SH3RF3: variants seen among roughly 807,000 people sequenced by gnomAD.
The protein encoded by SH3RF3 is SH3 domain containing ring finger 3, also known as E3 ubiquitin-protein ligase SH3RF3.
In SH3RF3, 29 loss-of-function variants were observed where a neutral mutation model predicts 66.3. The observed-to-expected ratio is 0.44, with a 90% confidence interval of 0.33 to 0.60. The LOEUF (loss-of-function observed/expected upper bound fraction) is 0.60, where lower values mean the gene tolerates loss of function less well. Ranked by LOEUF, SH3RF3 falls within the 20% of genes least tolerant of loss-of-function variation. SH3RF3 has a pLI of 0.04. For synonymous variants in SH3RF3, 583 were observed against 532.0 expected (o/e 1.10, Z -1.32); for missense variants, 1,194 against 1,190.9 (o/e 1.00, Z -0.04).
intron 3 of SH3RF3, among the ~76,000 whole-genome samples, chr2:109,397,701 C>T (rs1469758302): frequency 6.6e-6 from 1 of 152,204 alleles, no homozygotes; most frequent in Non-Finnish European, 1.5e-5. Context: ...AATTCACGGA[C>T]CTTCCCCCAG....
intron 8 of SH3RF3, among the ~76,000 whole-genome samples, chr2:109,476,192 T>C (rs1214905307): frequency 6.6e-6 from 1 of 152,240 alleles, no homozygotes; most frequent in Non-Finnish European, 1.5e-5. Context: ...GATAAGCTGT[T>C]ACCTGAGTCC....
intron 1 of SH3RF3, among the ~76,000 whole-genome samples, chr2:109,331,561 T>G (rs1682286893): frequency 6.6e-6 from 1 of 152,206 alleles, no homozygotes; most frequent in African/African-American, 2.4e-5. Flanking sequence ...AATCCCCTTC[T>G]GGATATATTT....
intron 1 of SH3RF3, among the ~76,000 whole-genome samples, chr2:109,237,608 A>AT (rs1024768004): frequency 6.6e-5 from 10 of 152,014 alleles, no homozygotes; most frequent in African/African-American, 9.7e-5. Context: ...GTGTGTGTGA[A>AT]TTTTTTTTAA....
chr2:109,383,843 A>G (rs1047019642), intron 3 of SH3RF3, among the ~76,000 whole-genome samples: 5 of 152,190 alleles, frequency 3.3e-5, no homozygotes, highest in Non-Finnish European at 1.5e-5. Context: ...TTCAGTGATC[A>G]GTCCGTCCTT....
intron 1 of SH3RF3, among the ~76,000 whole-genome samples, chr2:109,235,976 T>C (rs9973356): frequency 0.67 from 35,390 of 52,980 alleles, 14,945 homozygotes; most frequent in East Asian, 0.92. Flanking sequence ...GCTCACTGCC[T>C]TTACTTTAAG....
intron 1 of SH3RF3, among the ~76,000 whole-genome samples, chr2:109,174,998 A>G (rs1677883742): frequency 6.6e-6 from 1 of 152,204 alleles, no homozygotes; most frequent in Non-Finnish European, 1.5e-5. Flanking sequence ...CCAAAACAAT[A>G]TATTGCCCAA....
chr2:109,158,008 G>A (rs1677391307), intron 1 of SH3RF3, among the ~76,000 whole-genome samples: 1 of 152,304 alleles, frequency 6.6e-6, no homozygotes, highest in East Asian at 1.9e-4. Flanking sequence ...CCCGTGGTAT[G>A]TTCTAGTTCT....
At chr2:109,428,732 G>T (rs944374084) in intron 5 of SH3RF3, among the ~76,000 whole-genome samples, 1 of 152,252 alleles carries the variant, frequency 6.6e-6, no homozygotes, top group African/African-American at 2.4e-5. Flanking sequence ...ATCCGCAGAG[G>T]TGATGTCTGA....
chr2:109,138,109 G>A (rs1301015471), intron 1 of SH3RF3, among the ~76,000 whole-genome samples: 3 of 152,218 alleles, frequency 2.0e-5, no homozygotes, highest in South Asian at 4.1e-4. Context: ...TCCGCCTCCA[G>A]GGTTCAAGCT....
intron 8 of SH3RF3, among the ~76,000 whole-genome samples, chr2:109,451,649 A>G (rs1341661600): frequency 6.6e-6 from 1 of 152,260 alleles, no homozygotes; most frequent in Non-Finnish European, 1.5e-5. Flanking sequence ...GACACTTTGT[A>G]AATATTTCGC....
At chr2:109,417,372 C>A (rs890185365) in intron 4 of SH3RF3, among the ~76,000 whole-genome samples, 1 of 152,288 alleles carries the variant, frequency 6.6e-6, no homozygotes, top group South Asian at 2.1e-4. Context: ...TTGGGGACAC[C>A]TCCTCTTCCC....
intron 2 of SH3RF3, among the ~76,000 whole-genome samples, chr2:109,351,077 T>C (rs1470967597): frequency 1.3e-5 from 2 of 152,228 alleles, no homozygotes; most frequent in Non-Finnish European, 2.9e-5. Flanking sequence ...GAATAATCAG[T>C]TTTTGTAAAG....
intron 7 of SH3RF3, among the ~76,000 whole-genome samples, chr2:109,442,977 A>G (rs1000676768): frequency 6.6e-6 from 1 of 152,258 alleles, no homozygotes; most frequent in Non-Finnish European, 1.5e-5. Context: ...ATACTTTAAT[A>G]CTTCAAGTCT....
intron 1 of SH3RF3, among the ~76,000 whole-genome samples, chr2:109,133,388 T>C (rs1676740889): frequency 6.6e-6 from 1 of 152,232 alleles, no homozygotes; most frequent in Non-Finnish European, 1.5e-5. Context: ...ATAATTTAAG[T>C]TGGAGAATCA....
intron 1 of SH3RF3, among the ~76,000 whole-genome samples, chr2:109,262,403 A>G (rs917780027): frequency 2.0e-5 from 3 of 152,118 alleles, no homozygotes; most frequent in African/African-American, 7.2e-5. Context: ...ACTGCCTTCA[A>G]ACTCTGCTTT....
At chr2:109,166,511 T>C (rs1677630639) in intron 1 of SH3RF3, among the ~76,000 whole-genome samples, 1 of 151,014 alleles carries the variant, frequency 6.6e-6, no homozygotes, top group Non-Finnish European at 1.5e-5. Flanking sequence ...GTCAAGCTCA[T>C]TGGTAGTGTT....
intron 8 of SH3RF3, among the ~76,000 whole-genome samples, chr2:109,469,139 C>T (rs1287101481): frequency 6.6e-6 from 1 of 152,176 alleles, no homozygotes; most frequent in Non-Finnish European, 1.5e-5. Flanking sequence ...TTCTTCTCCA[C>T]CCCAAGAATG....
At chr2:109,354,942 GT>G (rs1351901190) in intron 2 of SH3RF3, among the ~76,000 whole-genome samples, 1 of 152,202 alleles carries the variant, frequency 6.6e-6, no homozygotes, top group Non-Finnish European at 1.5e-5. Flanking sequence ...AGGTGATATA[GT>G]TTTTTAGTAA....
At chr2:109,491,059 A>G in intron 9 of SH3RF3, 123 bp downstream of exon 9, 7 of 908,206 alleles carry the variant, frequency 7.7e-6, no homozygotes, top group Non-Finnish European at 7.6e-6. Context: ...ATGTACCTCA[A>G]CACCCAGATC....
Sources: gnomAD v4.1 joint callset for allele counts (sites outside exome capture counted in the v4.1 genomes callset) on GRCh38, gnomAD v4.1.1 for gene constraint, MANE v1.5 for transcripts, NCBI Gene and HGNC (gene_info 2026-07-23, HGNC 2026-07-21) for gene names.